The following KPNA3 variants were observed in gnomAD, a reference collection of about 807,000 sequenced individuals.
KPNA3 encodes the protein karyopherin subunit alpha 3, also known as importin subunit alpha-4.
In KPNA3, 13 loss-of-function variants were observed where a neutral mutation model predicts 73.8. The ratio of observed to expected loss-of-function variants is 0.18; its 90% CI spans 0.11 to 0.28. The LOEUF is 0.28. Ranked by LOEUF, KPNA3 falls within the 10% of genes least tolerant of loss-of-function variation. The pLI is 1.00. For synonymous variants in KPNA3, 186 were observed against 206.9 expected, an observed-to-expected ratio of 0.90 and a Z score of 0.87; for missense variants, 360 against 618.1, an observed-to-expected ratio of 0.58 and a Z score of 4.43.
At chr13:49,787,461 G>A (rs548406301) in intron 1 of KPNA3, among the ~76,000 whole-genome samples, 4 of 152,108 alleles carry the variant, frequency 2.6e-5, no homozygotes, top group African/African-American at 4.8e-5. Context: ...GACTCCCTTC[G>A]GTGGAGTACA....
At position 49,709,554 on chromosome 13, in the gene KPNA3, G is replaced by A; in HGVS notation, c.1032+18C>T. ...GACACAGAAAGAAATAGCATAATGA[G>A]GACATTATATGCCTTACCTTATTTA... On this transcript the variant is annotated intron_variant, in intron 12 of 16. Coordinates refer to ENST00000261667, the MANE Select transcript of KPNA3 (RefSeq NM_002267.4). The A allele has an allele frequency of 6.3e-7, 1 of 1,593,646 alleles. No homozygotes were observed.
At chr13:49,735,964 C>T (rs964874989) in intron 2 of KPNA3, among the ~76,000 whole-genome samples, 2 of 152,174 alleles carry the variant, frequency 1.3e-5, no homozygotes, top group Non-Finnish European at 2.9e-5. Context: ...AACTGGCTTG[C>T]AATTCTATAC....
intron 1 of KPNA3, among the ~76,000 whole-genome samples, chr13:49,760,099 G>A (rs1359589470): frequency 6.6e-6 from 1 of 152,058 alleles, no homozygotes; most frequent in Non-Finnish European, 1.5e-5. Flanking sequence ...AAATACAGAG[G>A]GCCAATACAC....
intron 1 of KPNA3, among the ~76,000 whole-genome samples, chr13:49,771,209 T>TG (rs1203966141): frequency 6.6e-6 from 1 of 152,044 alleles, no homozygotes; most frequent in Non-Finnish European, 1.5e-5. Flanking sequence ...TTGGATTTTA[T>TG]GGGAAATTGC....
intron 1 of KPNA3, among the ~76,000 whole-genome samples, chr13:49,750,075 T>C (rs898849507): frequency 6.6e-6 from 1 of 152,196 alleles, no homozygotes; most frequent in Non-Finnish European, 1.5e-5. Context: ...CTATAAGTCA[T>C]TCACCCATTC....
chr13:49,702,708 T>C (rs1161574579), intron 15 of KPNA3, among the ~76,000 whole-genome samples: 2 of 152,042 alleles, frequency 1.3e-5, no homozygotes, highest in Non-Finnish European at 2.9e-5. Flanking sequence ...GGTACCCGGA[T>C]CCCTGAGGCA....
At chr13:49,760,132 G>A (rs556202155) in intron 1 of KPNA3, among the ~76,000 whole-genome samples, 2 of 152,242 alleles carry the variant, frequency 1.3e-5, no homozygotes, top group African/African-American at 4.8e-5. Context: ...ATGATAAGAT[G>A]TAAAATCCAG....
At chr13:49,709,788 T>G (rs982144571) in intron 11 of KPNA3, 88 bp from the exon 12 acceptor site, 10 of 1,256,044 alleles carry the variant, frequency 8.0e-6, no homozygotes, top group Non-Finnish European at 1.1e-5. Flanking sequence ...AAAGTAAAAA[T>G]GCAAGGCATA....
At chr13:49,750,992 G>GA (rs1008103611) in intron 1 of KPNA3, among the ~76,000 whole-genome samples, 12 of 147,350 alleles carry the variant, frequency 8.1e-5, no homozygotes, top group Admixed American at 2.7e-4. Flanking sequence ...ATTCTGTCTC[G>GA]AAAAAAAAAA....
intron 6 of KPNA3, among the ~76,000 whole-genome samples, chr13:49,727,666 A>T (rs574495369): frequency 1.3e-5 from 2 of 152,118 alleles, no homozygotes; most frequent in East Asian, 3.9e-4. Context: ...ATGGATTTCA[A>T]TTTTTTTGCA....
chr13:49,772,782 G>A lies in KPNA3; in HGVS notation c.69+19656C>T, dbSNP rs528531932. ...CATGCCATTGCACTTCAGCCTGGGT[G>A]ACAAAAGCAAGACTCTGTCTCAAAA... On this transcript the variant is annotated intron_variant, in intron 1 of 16. Coordinates refer to ENST00000261667, the MANE Select transcript of KPNA3 (RefSeq NM_002267.4). Among the ~76,000 whole-genome samples, 25 of 152,274 alleles carry A rather than the reference G, an allele frequency of 1.6e-4. No homozygotes were observed. The East Asian group carries it at 4.6e-3, about 28-fold the overall frequency.
At chr13:49,792,409 G>T in intron 1 of KPNA3, 29 bp downstream of exon 1, 6 of 1,522,234 alleles carry the variant, frequency 3.9e-6, no homozygotes, top group Non-Finnish European at 5.3e-6. Context: ...GCGCGGCCAG[G>T]CGGGCCCAGA....
chr13:49,723,332 G>A (rs1310351034), intron 7 of KPNA3, among the ~76,000 whole-genome samples: 1 of 152,108 alleles, frequency 6.6e-6, no homozygotes. Context: ...AACACTCTGG[G>A]AGGCCGAGGC....
At chr13:49,712,601 T>C (rs1020188975) in intron 10 of KPNA3, among the ~76,000 whole-genome samples, 1 of 151,504 alleles carries the variant, frequency 6.6e-6, no homozygotes, top group African/African-American at 2.4e-5. Flanking sequence ...AAGGCGGAGC[T>C]GAAAAAAATA....
intron 14 of KPNA3, 63 bp from the exon 15 acceptor site, chr13:49,705,846 C>T (rs1954202873): frequency 8.7e-6 from 12 of 1,381,178 alleles, no homozygotes; most frequent in South Asian, 3.0e-5. Context: ...AGTAGGGTGT[C>T]GTGCTACATG....
At chr13:49,717,992 AT>A (rs973821426) in intron 10 of KPNA3, among the ~76,000 whole-genome samples, 5 of 148,884 alleles carry the variant, frequency 3.4e-5, no homozygotes, top group African/African-American at 9.9e-5. Flanking sequence ...TTATGGTATG[AT>A]TTTTTTTTTC....
intron 7 of KPNA3, among the ~76,000 whole-genome samples, chr13:49,725,021 G>A (rs1336647059): frequency 6.6e-6 from 1 of 152,178 alleles, no homozygotes; most frequent in Non-Finnish European, 1.5e-5. Flanking sequence ...AACGTACGTG[G>A]TGATATCTAG....
chr13:49,790,414 G>GC (rs1288749732), intron 1 of KPNA3, among the ~76,000 whole-genome samples: 5 of 152,220 alleles, frequency 3.3e-5, no homozygotes, highest in Non-Finnish European at 7.3e-5. Flanking sequence ...TTGCAGCTGA[G>GC]CTATGAGTGC....
rs1278961913 is a variant in KPNA3, at chr13:49,743,023, A to C, written c.114+3926T>G. Reference sequence around the variant, plus strand: ...TTGAGATGGGCTAAGAAAGAGACTTAGGAGTTATTTGGGAGGCTGGGGTGG... The same window carrying C: ...TTGAGATGGGCTAAGAAAGAGACTTCGGAGTTATTTGGGAGGCTGGGGTGG... On this transcript the variant is annotated intron_variant, in intron 2 of 16. Coordinates refer to ENST00000261667, the MANE Select transcript of KPNA3 (RefSeq NM_002267.4). Among the ~76,000 whole-genome samples the C allele has an allele frequency of 3.3e-5, 5 of 152,154 alleles. No individual in the cohort carries two copies. The East Asian group carries it at 9.6e-4, about 29-fold the overall frequency.
Sources: allele counts gnomAD v4.1 joint callset (sites outside exome capture counted in the v4.1 genomes callset), GRCh38; gene constraint gnomAD v4.1.1; transcripts MANE v1.5; gene names NCBI Gene and HGNC (gene_info 2026-07-23, HGNC 2026-07-21).